Variants in AGBL1 observed in about 807,000 individuals in gnomAD.
The protein encoded by AGBL1 is AGBL carboxypeptidase 1.
A neutral mutation model predicts 118.9 loss-of-function variants in AGBL1; 130 were observed. The observed-to-expected ratio is 1.09, with a 90% CI of 0.95 to 1.26. AGBL1 has a LOEUF of 1.26. AGBL1 is among the 50% of genes most tolerant of loss of function. The pLI is 0.00. For synonymous variants in AGBL1, 555 were observed against 478.9 expected (o/e 1.16, Z -2.08); for missense variants, 1,584 against 1,298.1 (o/e 1.22, Z -3.38).
chr15:86,543,642 T>C (rs1354588882), intron 19 of AGBL1, among the ~76,000 whole-genome samples: 2 of 152,164 alleles, frequency 1.3e-5, no homozygotes, highest in Non-Finnish European at 2.9e-5. Context: ...GAAAAATAAG[T>C]ACCTCACAAG....
intron 22 of AGBL1, among the ~76,000 whole-genome samples, chr15:86,751,564 A>C (rs922672732): frequency 4.6e-5 from 7 of 152,152 alleles, no homozygotes; most frequent in African/African-American, 1.7e-4. Context: ...TGCACAGAAA[A>C]AGAAACTATC....
chr15:86,856,665 A>G (rs1033665500), intron 22 of AGBL1, among the ~76,000 whole-genome samples: 4 of 152,254 alleles, frequency 2.6e-5, no homozygotes, highest in Non-Finnish European at 5.9e-5. Context: ...TATAGCCACC[A>G]TTATTATTTC....
chr15:86,488,072 G>T (rs1268306400), intron 18 of AGBL1, among the ~76,000 whole-genome samples: 1 of 152,044 alleles, frequency 6.6e-6, no homozygotes, highest in Admixed American at 6.6e-5. Context: ...TTGGTTTCCA[G>T]TCATATTGGC....
intron 18 of AGBL1, among the ~76,000 whole-genome samples, chr15:86,458,971 A>G (rs2082296234): frequency 6.6e-6 from 1 of 152,186 alleles, no homozygotes. Flanking sequence ...CTAACGTATC[A>G]CTGTACTCAC....
chr15:86,925,165 G>A (rs1364105029), intron 23 of AGBL1, among the ~76,000 whole-genome samples: 1 of 14,880 alleles, frequency 6.7e-5, no homozygotes, highest in Non-Finnish European at 1.9e-4. Context: ...GGAGGAGGAG[G>A]AGGAAGAGGA....
chr15:86,310,572 G>T (rs150481711), intron 17 of AGBL1, among the ~76,000 whole-genome samples: 1 of 152,026 alleles, frequency 6.6e-6, no homozygotes, highest in African/African-American at 2.4e-5. Flanking sequence ...TCAGCCTGGT[G>T]CAGGGGGCCC....
intron 18 of AGBL1, among the ~76,000 whole-genome samples, chr15:86,437,275 G>A (rs2082011035): frequency 6.6e-6 from 1 of 152,096 alleles, no homozygotes; most frequent in Non-Finnish European, 1.5e-5. Context: ...CCGAGTCCTG[G>A]TATTTGTAGA....
In AGBL1 at chr15:86,240,797, C is replaced by T. The variant is rs147670578; in HGVS notation, c.527-6874C>T. Among the ~76,000 whole-genome samples, 803 of 152,192 alleles carry T rather than the reference C, an allele frequency of 5.3e-3. 6 individuals carry two copies. The highest frequency in any genetic ancestry group is 0.018 in the African/African-American group (750 of 41,534). ...CAATTGTTTGGGGTAGAATATGTCA[C>T]GGTACTCTGTATAGCTGGAGGTAAT... On this transcript the variant is annotated intron_variant, in intron 6 of 22. Coordinates refer to ENST00000614907, the MANE Select transcript of AGBL1 (RefSeq NM_001386094.1).
intron 22 of AGBL1, among the ~76,000 whole-genome samples, chr15:86,701,567 T>C (rs2086358552): frequency 6.6e-6 from 1 of 152,020 alleles, no homozygotes; most frequent in Non-Finnish European, 1.5e-5. Context: ...TCTTGAATGG[T>C]CTCTAGAGAT....
At chr15:86,213,882 T>G (rs1182384458) in intron 5 of AGBL1, among the ~76,000 whole-genome samples, 1 of 152,180 alleles carries the variant, frequency 6.6e-6, no homozygotes, top group Non-Finnish European at 1.5e-5. Context: ...TGTTACCCCC[T>G]AAATTCTGTC....
rs2080351702 is a variant in AGBL1 at position 86,911,539 on chromosome 15, T to A, written c.*4245T>A. The A allele has an allele frequency of 6.6e-6, 1 of 152,288 alleles. No homozygotes were observed. The highest frequency in any genetic ancestry group is 1.5e-5 in the Non-Finnish European group (1 of 68,130). 9.4% of individuals were successfully genotyped at this position (152,288 alleles called of 1,614,324 possible). On this transcript the variant is annotated 3_prime_UTR_variant, in exon 23 of 23. Coordinates refer to ENST00000614907, the MANE Select transcript of AGBL1 (RefSeq NM_001386094.1). Reference sequence around the variant, plus strand: ...CAGCCTCAGGTTCTGACATTCTTTGTTCTCTTTGATTTGCCACAGAACATA... The same window carrying A: ...CAGCCTCAGGTTCTGACATTCTTTGATCTCTTTGATTTGCCACAGAACATA...
At chr15:86,472,231 A>G (rs2082488553) in intron 18 of AGBL1, among the ~76,000 whole-genome samples, 1 of 152,186 alleles carries the variant, frequency 6.6e-6, no homozygotes, top group Non-Finnish European at 1.5e-5. Context: ...AGCCCCAGGA[A>G]ACTAGTCCAG....
At chr15:86,592,095 A>G (rs1158693376) in intron 21 of AGBL1, among the ~76,000 whole-genome samples, 1 of 152,164 alleles carries the variant, frequency 6.6e-6, no homozygotes, top group Non-Finnish European at 1.5e-5. Flanking sequence ...TCATCCCAAT[A>G]TTGGTGATGT....
intron 22 of AGBL1, among the ~76,000 whole-genome samples, chr15:86,825,028 G>A (rs911075319): frequency 1.3e-5 from 2 of 152,116 alleles, no homozygotes; most frequent in Non-Finnish European, 1.5e-5. Context: ...CTGCACTCCA[G>A]CCTAGGTGAC....
At chr15:86,886,176 TA>T (rs1227732128) in intron 22 of AGBL1, among the ~76,000 whole-genome samples, 3 of 152,154 alleles carry the variant, frequency 2.0e-5, no homozygotes, top group African/African-American at 7.2e-5. Context: ...AGAAGCAAAA[TA>T]AAACACAAAG....
chr15:86,168,766 C>A (rs1476101720), intron 5 of AGBL1, among the ~76,000 whole-genome samples: 1 of 152,132 alleles, frequency 6.6e-6, no homozygotes, highest in East Asian at 1.9e-4. Flanking sequence ...TTAATTGAAT[C>A]CTCACCAACA....
intron 21 of AGBL1, among the ~76,000 whole-genome samples, chr15:86,646,387 C>T (rs1212771079): frequency 6.6e-6 from 1 of 152,194 alleles, no homozygotes; most frequent in Non-Finnish European, 1.5e-5. Context: ...GACAGTCCTT[C>T]TCGAACTTGA....
At chr15:86,822,439 G>A (rs571166176) in intron 22 of AGBL1, among the ~76,000 whole-genome samples, 2 of 152,252 alleles carry the variant, frequency 1.3e-5, no homozygotes, top group African/African-American at 4.8e-5. Context: ...GTTTTATAAT[G>A]TCTGTTCTGC....
At position 86,798,340 on chromosome 15, in the gene AGBL1, C is replaced by T. The variant is rs559868518; in HGVS notation, c.3159-108747C>T. ...ATTAAGTGAGCTGGGACACACACTA[C>T]AAGGGTGTTGGGATAGGGTTGGGTG... On this transcript the variant is annotated intron_variant, in intron 22 of 22. Transcript: ENST00000614907. Among the ~76,000 whole-genome samples the T allele has an allele frequency of 5.3e-4, 81 of 152,212 alleles. 2 individuals are homozygous for T. The South Asian group carries it at 0.017, about 31-fold the overall frequency.
Sources: gnomAD v4.1 joint callset for allele counts (sites outside exome capture counted in the v4.1 genomes callset) on GRCh38, gnomAD v4.1.1 for gene constraint, MANE v1.5 for transcripts, NCBI Gene and HGNC (gene_info 2026-07-23, HGNC 2026-07-21) for gene names.